The following RAD51AP2 variants were observed in gnomAD, a reference collection of about 807,000 sequenced individuals.
The protein encoded by RAD51AP2 is RAD51 associated protein 2, also known as RAD51-associated protein 2.
A neutral mutation model predicts 85.5 loss-of-function variants in RAD51AP2; 67 were observed. That is an observed-to-expected ratio of 0.78 (90% CI 0.64 to 0.96). RAD51AP2 has a LOEUF of 0.96. RAD51AP2 is among the 40% of genes least tolerant of loss of function. RAD51AP2 has a pLI of 0.00. For missense variants in RAD51AP2, 1,307 were observed against 1,332.4 expected (o/e 0.98, Z 0.30); for synonymous variants, 474 against 446.5 (o/e 1.06, Z -0.78).
chr2:17,514,536 C>CT (rs1553293558), intron 1 of RAD51AP2, among the ~76,000 whole-genome samples: 1 of 149,506 alleles, frequency 6.7e-6, no homozygotes, highest in South Asian at 2.1e-4. Context: ...CCGAGGGCGG[C>CT]GGGGGGGGTG....
At chr2:17,531,619 T>C in the RAD51AP2 span, among the ~76,000 whole-genome samples, 1 of 152,214 alleles carries the variant, frequency 6.6e-6, no homozygotes, top group African/African-American at 2.4e-5. Flanking sequence ...CAAATATCCA[T>C]AAACTAGCCT....
At chr2:17,522,320 A>G (rs537709312), upstream of RAD51AP2, among the ~76,000 whole-genome samples, 1 of 152,132 alleles carries the variant, frequency 6.6e-6, no homozygotes, top group Non-Finnish European at 1.5e-5. Flanking sequence ...TCGCAGTTTC[A>G]GTCTAGGCCA....
At chr2:17,519,310 A>G (rs1662803823), upstream of RAD51AP2, among the ~76,000 whole-genome samples, 1 of 150,820 alleles carries the variant, frequency 6.6e-6, no homozygotes, top group African/African-American at 2.4e-5. Flanking sequence ...TTTCCAGTCA[A>G]TTCTGGTTTT....
At chr2:17,530,617 A>G in the RAD51AP2 span, among the ~76,000 whole-genome samples, 2 of 128,642 alleles carry the variant, frequency 1.6e-5, no homozygotes, top group African/African-American at 5.7e-5. Flanking sequence ...AAAAAAAAAG[A>G]CATATATTGA....
the RAD51AP2 span, among the ~76,000 whole-genome samples, chr2:17,534,769 T>C: frequency 6.6e-6 from 1 of 152,140 alleles, no homozygotes; most frequent in Non-Finnish European, 1.5e-5. Context: ...ACAAGAATAA[T>C]TGAGTAAAAG....
Position 17,515,320 on chromosome 2 carries a change from A to G in RAD51AP2, c.3096T>C (p.His1032=). Residue 1032 remains histidine (H), a synonymous_variant, in exon 1 of 3, where the codon CAT becomes CAC. Transcript: ENST00000399080. ...CCATATTAGGACCTGCTATAGTATC[A>G]TGGAACGAGGAAGATGCACGTATTT... is the stretch of plus-strand genomic sequence containing the variant. The part of the protein sequence containing the change: ...VNKIRASSSF[H]DTIAGPNMGK... 1.2e-6 allele frequency: 2 copies of G among 1,613,310 alleles called. No homozygotes were observed. Among genetic ancestry groups the G allele is most frequent in the Non-Finnish European group, 1.7e-6 (2 of 1,179,736 alleles).
chr2:17,514,718 C>T (rs1202484981), intron 1 of RAD51AP2, among the ~76,000 whole-genome samples: 1 of 151,902 alleles, frequency 6.6e-6, no homozygotes, highest in Non-Finnish European at 1.5e-5. Flanking sequence ...TACAGTGAGC[C>T]GAGATTGTGC....
In RAD51AP2 at chr2:17,511,120, C is replaced by T. The variant is rs189342534; in HGVS notation, c.3329-165G>A. Among the ~76,000 whole-genome samples, 164 of 152,272 alleles carry T rather than the reference C, an allele frequency of 1.1e-3. 1 individual carries two copies. The highest frequency in any genetic ancestry group is 1.8e-3 in the Non-Finnish European group (125 of 67,998). On this transcript the variant is annotated intron_variant, in intron 2 of 2. Transcript: ENST00000399080. ...AATGCATTATTTTACTTATTTCTAG[C>T]TCCAGTTTTAAAATATGAAAAACAT...
At chr2:17,534,891 A>C in the RAD51AP2 span, among the ~76,000 whole-genome samples, 21 of 152,242 alleles carry the variant, frequency 1.4e-4, no homozygotes, top group African/African-American at 5.1e-4. Flanking sequence ...AAGTTTCTTC[A>C]TATCAAAGAA....
At chr2:17,527,123 A>C in the RAD51AP2 span, among the ~76,000 whole-genome samples, 3 of 152,132 alleles carry the variant, frequency 2.0e-5, no homozygotes, top group Non-Finnish European at 4.4e-5. Flanking sequence ...CACCCCGAAA[A>C]TTATCATGCT....
chr2:17,523,051 G>A (rs1662890428), upstream of RAD51AP2, among the ~76,000 whole-genome samples: 1 of 151,866 alleles, frequency 6.6e-6, no homozygotes, highest in South Asian at 2.1e-4. Flanking sequence ...CTCATTCCTT[G>A]ATGTGTAATA....
chr2:17,517,553 G>A lies in RAD51AP2; in HGVS notation c.863C>T (p.Ala288Val), dbSNP rs756650009. ...AATGTTTGTGAAATCCCTAACATAT[G>A]CCTCTTTTTTGTCATTCTTTTTCTT... Reference protein sequence around the residue: ...IAKKKNDKKEAYVRDFTNIYW... With the variant: ...IAKKKNDKKEVYVRDFTNIYW... Residue 288 changes from alanine to valine, a missense_variant, in exon 1 of 3, where the codon GCA becomes GTA. This residue lies in a region of RAD51AP2 where 635 missense variants were observed against 643.6 expected (regional missense o/e 0.99). Coordinates refer to ENST00000399080, the MANE Select transcript of RAD51AP2 (RefSeq NM_001099218.3). 1.2e-6 allele frequency: 2 copies of A among 1,613,408 alleles called. No individual in the cohort carries two copies. The highest frequency in any genetic ancestry group is 3.3e-5 in the Admixed American group (2 of 59,908).
upstream of RAD51AP2, chr2:17,518,576 C>G (rs1662781302): frequency 3.6e-6 from 3 of 836,888 alleles, no homozygotes; most frequent in Admixed American, 6.0e-5. Flanking sequence ...TCCACAGCCC[C>G]AGCCTCAGCC....
chr2:17,537,209 C>T, the RAD51AP2 span, among the ~76,000 whole-genome samples: 701 of 152,116 alleles, frequency 4.6e-3, 5 homozygotes, highest in African/African-American at 0.016. Context: ...GTAGTACCAG[C>T]CACTTGGGAA....
rs1244789254 is a variant in RAD51AP2, at chr2:17,518,064, G to T, written c.352C>A (p.Pro118Thr). ...TCAGAATCAGGACTTTGTGAGGGGG[G>T]AGACTGCAAACAGCTACTCATTTGG... ...KFQMSSCLQS[P>T]PSQSPDSDLR... The change falls in exon 1 of 3, where the codon CCC (proline) becomes ACC (threonine). Residue 118 changes from proline (P) to threonine (T), a missense_variant. Around this residue, in one of 3 missense-constraint regions of RAD51AP2, gnomAD observed 635 missense variants for 643.6 expected, o/e 0.99. Transcript: ENST00000399080. The T allele has an allele frequency of 6.2e-7, 1 of 1,614,046 alleles. No individual in the cohort carries two copies.
the RAD51AP2 span, among the ~76,000 whole-genome samples, chr2:17,537,143 G>C: frequency 6.6e-6 from 1 of 152,100 alleles, no homozygotes; most frequent in Non-Finnish European, 1.5e-5. Context: ...AACATGGCAA[G>C]ACACCTGTTT....
In RAD51AP2 at chr2:17,518,232, T is replaced by C. The variant is rs779718576; in HGVS notation, c.184A>G (p.Lys62Glu). 7.4e-6 allele frequency: 12 copies of C among 1,614,172 alleles called. No individual in the cohort carries two copies. Among genetic ancestry groups the C allele is most frequent in the Non-Finnish European group, 1.0e-5 (12 of 1,180,022 alleles). The part of the protein sequence containing the change: ...PLVPRLSEAE[K>E]VWELSPRPFK... The stretch of plus-strand genomic sequence containing the variant: ...GGTCTAGGGGACAACTCCCAGACTT[T>C]TTCCGCCTCAGACAAGCGAGGCACC... Residue 62 changes from lysine to glutamate, a missense_variant, in exon 1 of 3, where the codon AAA (lysine) becomes GAA (glutamate). Lys to Glu is a moderately conservative substitution (Grantham distance 56). Coordinates refer to ENST00000399080, the MANE Select transcript of RAD51AP2 (RefSeq NM_001099218.3).
chr2:17,531,549 T>C, the RAD51AP2 span, among the ~76,000 whole-genome samples: 1 of 152,220 alleles, frequency 6.6e-6, no homozygotes, highest in Non-Finnish European at 1.5e-5. Context: ...CAAGGTGTTA[T>C]ATAAGTCTAA....
the RAD51AP2 span, among the ~76,000 whole-genome samples, chr2:17,526,874 T>C: frequency 2.6e-5 from 4 of 152,180 alleles, no homozygotes; most frequent in African/African-American, 9.6e-5. Flanking sequence ...AGAGGTTCAG[T>C]AGAATTACAA....
Sources: allele counts gnomAD v4.1 joint callset (sites outside exome capture counted in the v4.1 genomes callset), GRCh38; gene constraint gnomAD v4.1.1; regional missense constraint gnomAD v4.1.1; transcripts MANE v1.5; gene names NCBI Gene and HGNC (gene_info 2026-07-23, HGNC 2026-07-21).